The following PIK3CA variants were observed in gnomAD, a reference collection of about 807,000 sequenced individuals.
PIK3CA encodes phosphatidylinositol-4,5-bisphosphate 3-kinase catalytic subunit alpha.
A neutral mutation model predicts 138.2 loss-of-function variants in PIK3CA; 27 were observed. The observed-to-expected ratio is 0.20, with a 90% CI of 0.14 to 0.27. The LOEUF (loss-of-function observed/expected upper bound fraction) is 0.27. Ranked by LOEUF, PIK3CA falls within the 10% of genes least tolerant of loss-of-function variation. The probability of loss-of-function intolerance (pLI) is 1.00; values close to 1 mark genes in which losing one functional copy is unlikely to be tolerated. For missense variants in PIK3CA, 544 were observed against 1,277.4 expected (o/e 0.43, Z 8.75); for synonymous variants, 358 against 413.2 (o/e 0.87, Z 1.62).
intron 9 of PIK3CA, among the ~76,000 whole-genome samples, chr3:179,210,827 G>A (rs1397504985): frequency 6.6e-6 from 1 of 152,178 alleles, no homozygotes; most frequent in African/African-American, 2.4e-5. Flanking sequence ...AAGGCACTAG[G>A]TAATAAAGTC....
intron 6 of PIK3CA, among the ~76,000 whole-genome samples, chr3:179,208,345 T>C (rs1576937421): frequency 6.6e-6 from 1 of 152,196 alleles, no homozygotes; most frequent in Admixed American, 6.5e-5. Flanking sequence ...ATTTGAAAAG[T>C]TTTTAAAATT....
rs899231548 is a variant in PIK3CA at position 179,218,193 on chromosome 3, A to G, written c.1540-17A>G. On this transcript the variant is annotated splice_polypyrimidine_tract_variant and intron_variant, in intron 9 of 20. Transcript: ENST00000263967. ...TATGACAAAGAAAGCTATATAAGAT[A>G]TTATTTTATTTTACAGAGTAACAGA... The G allele has an allele frequency of 3.9e-6, 6 of 1,536,280 alleles. No homozygotes were observed. The highest frequency in any genetic ancestry group is 4.4e-6 in the Non-Finnish European group (5 of 1,137,984).
At chr3:179,225,137 T>A (rs570850256) in intron 16 of PIK3CA, among the ~76,000 whole-genome samples, 17 of 152,076 alleles carry the variant, frequency 1.1e-4, no homozygotes, top group African/African-American at 3.1e-4. Context: ...GTTTTTTTTT[T>A]AATCAGTTTC....
intron 14 of PIK3CA, among the ~76,000 whole-genome samples, chr3:179,223,586 A>G (rs1365827775): frequency 6.6e-6 from 1 of 152,202 alleles, no homozygotes. Flanking sequence ...TATTAAGCTA[A>G]TGTAACATGG....
chr3:179,174,583 G>A (rs1272981732), intron 1 of PIK3CA, among the ~76,000 whole-genome samples: 1 of 152,072 alleles, frequency 6.6e-6, no homozygotes, highest in Non-Finnish European at 1.5e-5. Flanking sequence ...AACTATTTAA[G>A]CTACTACTTC....
chr3:179,199,969 A>T, intron 3 of PIK3CA, 70 bp downstream of exon 3: 5 of 934,510 alleles, frequency 5.4e-6, no homozygotes, highest in Non-Finnish European at 6.5e-6. Context: ...ATATCTTTGT[A>T]TAGTCTTTTT....
intron 6 of PIK3CA, among the ~76,000 whole-genome samples, chr3:179,206,653 G>A (rs141340538): frequency 2.8e-4 from 42 of 152,212 alleles, no homozygotes; most frequent in African/African-American, 9.1e-4. Flanking sequence ...GGTGGCTCAC[G>A]CCTATAATCC....
At chr3:179,164,508 A>C (rs1416794220) in intron 1 of PIK3CA, among the ~76,000 whole-genome samples, 3 of 152,218 alleles carry the variant, frequency 2.0e-5, no homozygotes, top group Non-Finnish European at 4.4e-5. Context: ...ATGTTTTCAC[A>C]TCTCTATTTT....
chr3:179,226,540 T>C (rs1725087240), intron 17 of PIK3CA, among the ~76,000 whole-genome samples: 1 of 152,112 alleles, frequency 6.6e-6, no homozygotes, highest in African/African-American at 2.4e-5. Context: ...TCCTAGTCAT[T>C]GTTGCTTCTA....
At chr3:179,208,593 ATGT>A (rs532464138) in intron 6 of PIK3CA, among the ~76,000 whole-genome samples, 131 of 152,272 alleles carry the variant, frequency 8.6e-4, no homozygotes, top group African/African-American at 3.1e-3. Context: ...CATTGTTATA[ATGT>A]TTTTTTAAAA....
intron 1 of PIK3CA, among the ~76,000 whole-genome samples, chr3:179,161,294 A>G (rs151093545): frequency 1.3e-5 from 2 of 152,368 alleles, no homozygotes; most frequent in African/African-American, 4.8e-5. Flanking sequence ...CAAAGGGGGT[A>G]ACAGAAACCT....
chr3:179,150,745 C>A (rs1288091882), intron 1 of PIK3CA, among the ~76,000 whole-genome samples: 4 of 152,168 alleles, frequency 2.6e-5, no homozygotes, highest in South Asian at 2.1e-4. Context: ...CCTTAAAAAA[C>A]CAAAGAAAAA....
chr3:179,184,426 G>A (rs1723925311), intron 1 of PIK3CA, among the ~76,000 whole-genome samples: 3 of 152,160 alleles, frequency 2.0e-5, no homozygotes, highest in Admixed American at 2.0e-4. Context: ...TCAGGAAATA[G>A]AGAACTCTAC....
At chr3:179,168,729 A>G (rs911050657) in intron 1 of PIK3CA, among the ~76,000 whole-genome samples, 1 of 152,054 alleles carries the variant, frequency 6.6e-6, no homozygotes, top group East Asian at 1.9e-4. Flanking sequence ...TTATATCCTT[A>G]TGATTTTATT....
chr3:179,162,633 TCTTC>T (rs1434099762), intron 1 of PIK3CA, among the ~76,000 whole-genome samples: 1 of 152,098 alleles, frequency 6.6e-6, no homozygotes, highest in Non-Finnish European at 1.5e-5. Context: ...AATCAATAGT[TCTTC>T]CTTATGATAG....
In PIK3CA at chr3:179,235,585, T is replaced by C. The variant is rs1725318248; in HGVS notation, c.*1221T>C. On this transcript the variant is annotated 3_prime_UTR_variant, in exon 21 of 21. Transcript: ENST00000263967. Reference sequence around the variant, plus strand: ...TCTTTTATAATTGAGAATGTCTCAATCATATGAAATTAGTTACCAGAATTA... The same window carrying C: ...TCTTTTATAATTGAGAATGTCTCAACCATATGAAATTAGTTACCAGAATTA... 1 of 202,714 alleles carries C rather than the reference T, an allele frequency of 4.9e-6. No homozygotes were observed. Among genetic ancestry groups the C allele is most frequent in the Non-Finnish European group, 1.0e-5 (1 of 98,648 alleles). The allele number at this position is 202,714 out of a possible 1,614,324, so 12.6% of individuals were successfully genotyped here.
At position 179,235,738 on chromosome 3, in the gene PIK3CA, T is replaced by G. The variant is rs1725321289; in HGVS notation, c.*1374T>G. On this transcript the variant is annotated 3_prime_UTR_variant, in exon 21 of 21. Transcript: ENST00000263967. ...CCTTTTTAAACTATTTATCCATATCTCCAAAGTAGAACATTAAACCATTTT... is the reference window on the plus strand; with the variant it reads ...CCTTTTTAAACTATTTATCCATATCGCCAAAGTAGAACATTAAACCATTTT... 4.8e-6 allele frequency: 1 copy of G among 208,998 alleles called. No individual in the cohort carries two copies. The highest frequency in any genetic ancestry group is 5.9e-5 in the Admixed American group (1 of 16,906). The allele number at this position is 208,998 out of a possible 1,614,324, so 12.9% of individuals were successfully genotyped here. A position where few individuals can be genotyped will look rare whatever the true frequency, so the allele number is the denominator to read the frequency against.
At chr3:179,181,540 C>T (rs1382336424) in intron 1 of PIK3CA, among the ~76,000 whole-genome samples, 1 of 152,068 alleles carries the variant, frequency 6.6e-6, no homozygotes, top group Non-Finnish European at 1.5e-5. Flanking sequence ...AACAAATTAA[C>T]TAATTGTTTT....
chr3:179,195,873 C>T (rs963762231), intron 1 of PIK3CA, among the ~76,000 whole-genome samples: 2 of 152,080 alleles, frequency 1.3e-5, no homozygotes, highest in Non-Finnish European at 2.9e-5. Flanking sequence ...TATGTGAACC[C>T]TGGGGGTAAT....
Sources: allele counts gnomAD v4.1 joint callset (sites outside exome capture counted in the v4.1 genomes callset), GRCh38; gene constraint gnomAD v4.1.1; transcripts MANE v1.5; gene names NCBI Gene and HGNC (gene_info 2026-07-23, HGNC 2026-07-21).